Variants in MBD5 observed in about 807,000 individuals in gnomAD.
MBD5 encodes methyl-CpG binding domain protein 5, also known as methyl-CpG-binding domain protein 5.
In MBD5, 13 loss-of-function variants were observed where a neutral mutation model predicts 117.3. The observed-to-expected ratio is 0.11, with a 90% confidence interval of 0.07 to 0.18. The LOEUF is 0.18. Among genes scored for constraint, MBD5 ranks in the 10% least tolerant of loss-of-function variants. MBD5 has a pLI of 1.00. For missense variants in MBD5, 1,879 were observed against 2,093.8 expected (o/e 0.90, Z 2.00); for synonymous variants, 727 against 766.4 (o/e 0.95, Z 0.85).
At position 148,229,176 on chromosome 2, in the gene MBD5, TTTTC is replaced by T. The variant is rs901637507; in HGVS notation, c.-830-4061_-830-4058del. 6.9e-4 allele frequency among the ~76,000 whole-genome samples: 103 copies of T among 149,912 alleles called. 1 individual carries two copies. Among genetic ancestry groups the T allele is most frequent in the African/African-American group, 2.3e-3 (97 of 41,370 alleles). ...GCCTGCTTTGCTTCATTGTTTTTTC[TTTTC>T]TTTCTTTTTTTTTTGTCTTTTCTGT... On this transcript the variant is annotated intron_variant, in intron 2 of 13. Transcript: ENST00000642680.
intron 4 of MBD5, among the ~76,000 whole-genome samples, chr2:148,360,617 C>G (rs1334528049): frequency 6.6e-6 from 1 of 151,966 alleles, no homozygotes; most frequent in African/African-American, 2.4e-5. Context: ...TTTTTTTCCC[C>G]TATTCACAGT....
At chr2:148,306,258 C>A (rs1454146992) in intron 3 of MBD5, among the ~76,000 whole-genome samples, 1 of 152,106 alleles carries the variant, frequency 6.6e-6, no homozygotes, top group Non-Finnish European at 1.5e-5. Flanking sequence ...AGAACGGGAA[C>A]CCTGTAAGCC....
intron 4 of MBD5, among the ~76,000 whole-genome samples, chr2:148,366,851 T>C (rs1703717852): frequency 6.6e-6 from 1 of 152,138 alleles, no homozygotes; most frequent in East Asian, 1.9e-4. Context: ...TGGAAAACAT[T>C]CCATGCTCAT....
intron 3 of MBD5, among the ~76,000 whole-genome samples, chr2:148,234,055 T>C (rs1306798322): frequency 6.6e-6 from 1 of 152,146 alleles, no homozygotes; most frequent in East Asian, 1.9e-4. Flanking sequence ...ACATTACCTT[T>C]AAAAGAAAAG....
Position 148,427,022 on chromosome 2 carries a change from A to G in MBD5, c.-556-31181A>G, listed in dbSNP as rs184842757. Among the ~76,000 whole-genome samples, 842 of 152,340 alleles carry G rather than the reference A, an allele frequency of 5.5e-3. 7 individuals carry two copies. The highest frequency in any genetic ancestry group is 0.02 in the African/African-American group (815 of 41,580). ...GAACAGGCACTTCTCAAAAGAAGAC[A>G]TTTATGCAGCCAAAAAACACATGAA... is the stretch of plus-strand genomic sequence containing the variant. On this transcript the variant is annotated intron_variant, in intron 4 of 13. Transcript: ENST00000642680.
At chr2:148,095,618 G>A (rs1302446609) in intron 1 of MBD5, among the ~76,000 whole-genome samples, 1 of 152,070 alleles carries the variant, frequency 6.6e-6, no homozygotes, top group East Asian at 1.9e-4. Flanking sequence ...ATAAAGTATT[G>A]TAGGGTGTGC....
intron 3 of MBD5, among the ~76,000 whole-genome samples, chr2:148,306,600 TATAG>T (rs1408479880): frequency 1.3e-5 from 2 of 152,302 alleles, no homozygotes; most frequent in East Asian, 3.9e-4. Context: ...TGCTCTAAGT[TATAG>T]ATAGTTTAAG....
intron 1 of MBD5, among the ~76,000 whole-genome samples, chr2:148,132,183 A>C (rs1190131194): frequency 6.6e-6 from 1 of 152,076 alleles, no homozygotes; most frequent in African/African-American, 2.4e-5. Context: ...AGTGTTTAAT[A>C]AATAGTCAAA....
At chr2:148,398,352 G>GGT (rs199962385) in intron 4 of MBD5, among the ~76,000 whole-genome samples, 78,336 of 150,218 alleles carry the variant, frequency 0.52, 20,639 homozygotes, top group East Asian at 0.75. Flanking sequence ...CATTCTAACT[G>GGT]GTGAGATGGT....
At chr2:148,085,442 C>G (rs1300835076) in intron 1 of MBD5, among the ~76,000 whole-genome samples, 1 of 152,124 alleles carries the variant, frequency 6.6e-6, no homozygotes, top group Non-Finnish European at 1.5e-5. Flanking sequence ...AGTTTTGGAG[C>G]GGCCGGGCGC....
At position 148,502,468 on chromosome 2, in the gene MBD5, A is replaced by C; in HGVS notation, c.4995A>C (p.Glu1665Asp). 1.2e-6 allele frequency: 2 copies of C among 1,614,228 alleles called. No individual in the cohort carries two copies. Among genetic ancestry groups the C allele is most frequent in the Non-Finnish European group, 8.5e-7 (1 of 1,180,026 alleles). The change falls in exon 12 of 14, where the codon GAA becomes GAC. Residue 1665 changes from glutamate (E) to aspartate (D), a missense_variant. Coordinates refer to ENST00000642680, the MANE Select transcript of MBD5 (RefSeq NM_001378120.1). ...CCGAGAAGTTGAAGACACTAACAGA[A>C]GGTTTGGAAGCCTACAGCCGTGTCC... ...VEPEKLKTLT[E>D]GLEAYSRVRK...
At chr2:148,113,884 T>A (rs1696557871) in intron 1 of MBD5, among the ~76,000 whole-genome samples, 1 of 152,138 alleles carries the variant, frequency 6.6e-6, no homozygotes. Context: ...TCTTCCAGAT[T>A]TTTGAGGGAT....
At position 148,489,759 on chromosome 2, in the gene MBD5, T is replaced by C. The variant is rs1227323118; in HGVS notation, c.4127T>C (p.Val1376Ala). 1.9e-6 allele frequency: 3 copies of C among 1,614,016 alleles called. No homozygotes were observed. In the Admixed American group the frequency reaches 5.0e-5, roughly 27 times the overall value. The change falls in exon 11 of 14, where the codon GTC becomes GCC. Residue 1376 changes from valine to alanine, a missense_variant. Physicochemically the swap from Val to Ala is moderately conservative, Grantham distance 64 (BLOSUM62 0). This residue lies in a region of MBD5 where 1,666 missense variants were observed against 1,792.2 expected (regional missense o/e 0.93). Coordinates refer to ENST00000642680, the MANE Select transcript of MBD5 (RefSeq NM_001378120.1). ...PLNLSSAVSA[V>A]IHGRNMGGVD... ...AATCTCTCCAGTGCTGTCAGTGCGG[T>C]CATTCATGGACGGAACATGGGAGGT...
intron 4 of MBD5, among the ~76,000 whole-genome samples, chr2:148,447,145 AAGAAAGAAG>A (rs1559075450): frequency 5.3e-5 from 8 of 149,566 alleles, no homozygotes; most frequent in Non-Finnish European, 1.2e-4. Flanking sequence ...GAGAGAGAGA[AAGAAAGAAG>A]GAAAGAAAGG....
At chr2:148,505,287 A>G (rs917605731) in intron 12 of MBD5, among the ~76,000 whole-genome samples, 3 of 152,172 alleles carry the variant, frequency 2.0e-5, no homozygotes, top group Non-Finnish European at 4.4e-5. Context: ...TGCCTGTAGG[A>G]TAGGCTGGAC....
At chr2:148,472,153 A>G (rs953111359) in intron 8 of MBD5, 1 of 152,006 alleles carries the variant, frequency 6.6e-6, no homozygotes, top group Non-Finnish European at 1.5e-5. Flanking sequence ...GTTTCTTCTG[A>G]TGGTCAAGTT....
At chr2:148,201,331 T>C (rs1391015850) in intron 2 of MBD5, among the ~76,000 whole-genome samples, 4 of 152,198 alleles carry the variant, frequency 2.6e-5, no homozygotes, top group African/African-American at 9.6e-5. Context: ...CACAGTGGGC[T>C]CTGGTCTCCG....
At chr2:148,506,707 A>G (rs1682043376) in intron 12 of MBD5, among the ~76,000 whole-genome samples, 1 of 152,238 alleles carries the variant, frequency 6.6e-6, no homozygotes, top group Non-Finnish European at 1.5e-5. Context: ...AGAAGTGGCA[A>G]TTATCTCCAT....
At chr2:148,378,213 A>C (rs1387625555) in intron 4 of MBD5, among the ~76,000 whole-genome samples, 2 of 152,138 alleles carry the variant, frequency 1.3e-5, no homozygotes, top group African/African-American at 4.8e-5. Flanking sequence ...AAATGGTTTT[A>C]TATATTAATC....
Sources: allele counts gnomAD v4.1 joint callset (sites outside exome capture counted in the v4.1 genomes callset), GRCh38; gene constraint gnomAD v4.1.1; regional missense constraint gnomAD v4.1.1; transcripts MANE v1.5; gene names NCBI Gene and HGNC (gene_info 2026-07-23, HGNC 2026-07-21).